The following KIF2A variants were observed in gnomAD, a reference collection of about 807,000 sequenced individuals.
The protein encoded by KIF2A is kinesin family member 2A.
Under a neutral mutation model 100.2 loss-of-function variants are expected in KIF2A, and 22 were observed. The observed-to-expected ratio is 0.22, with a 90% confidence interval of 0.16 to 0.31. The LOEUF is 0.31. KIF2A is among the 10% of genes least tolerant of loss of function. KIF2A has a pLI of 1.00. For missense variants in KIF2A, 495 were observed against 898.7 expected (o/e 0.55, Z 5.74); for synonymous variants, 268 against 285.9 (o/e 0.94, Z 0.63).
intron 1 of KIF2A, among the ~76,000 whole-genome samples, chr5:62,324,233 A>G (rs1257218827): frequency 1.3e-5 from 2 of 152,190 alleles, no homozygotes; most frequent in African/African-American, 4.8e-5. Flanking sequence ...ACAGAAAAAC[A>G]TTCCATGATC....
chr5:62,384,914 G>A (rs981311351), intron 20 of KIF2A, among the ~76,000 whole-genome samples: 2 of 152,282 alleles, frequency 1.3e-5, no homozygotes, highest in Non-Finnish European at 1.5e-5. Context: ...AGGCCAAGGC[G>A]GGCAGATCAC....
intron 1 of KIF2A, among the ~76,000 whole-genome samples, chr5:62,317,584 A>G (rs894899283): frequency 3.3e-5 from 5 of 152,224 alleles, no homozygotes; most frequent in Non-Finnish European, 5.9e-5. Context: ...TTCATTGTAG[A>G]CTGTAATTCA....
At chr5:62,308,644 G>A in intron 1 of KIF2A, 1 of 680,430 alleles carries the variant, frequency 1.5e-6, no homozygotes, top group African/African-American at 1.8e-5. Context: ...GGACCTGAAG[G>A]ACGTTATGTT....
chr5:62,365,008 G>T (rs889919582), intron 14 of KIF2A, among the ~76,000 whole-genome samples: 4 of 152,098 alleles, frequency 2.6e-5, no homozygotes, highest in African/African-American at 9.7e-5. Flanking sequence ...TAGGAGAATC[G>T]CCTGAAGCCT....
At chr5:62,323,718 G>A (rs2111818765) in intron 1 of KIF2A, among the ~76,000 whole-genome samples, 1 of 152,230 alleles carries the variant, frequency 6.6e-6, no homozygotes, top group Non-Finnish European at 1.5e-5. Flanking sequence ...CATCTATTGT[G>A]TAAGTTTGCA....
At chr5:62,336,491 C>A (rs111964470) in intron 1 of KIF2A, among the ~76,000 whole-genome samples, 5 of 152,274 alleles carry the variant, frequency 3.3e-5, no homozygotes, top group African/African-American at 1.2e-4. Flanking sequence ...AAATCATTAA[C>A]AGGATACCTA....
intron 18 of KIF2A, among the ~76,000 whole-genome samples, chr5:62,375,954 G>T (rs972943835): frequency 6.6e-6 from 1 of 152,160 alleles, no homozygotes; most frequent in Non-Finnish European, 1.5e-5. Context: ...CTAAAAATGA[G>T]ATTCTGGCCT....
chr5:62,389,116 A>G lies in KIF2A; in HGVS notation c.*3547A>G. 2 of 1,378,712 alleles carry G rather than the reference A, an allele frequency of 1.5e-6. No individual in the cohort carries two copies. The highest frequency in any genetic ancestry group is 1.5e-5 in the African/African-American group (1 of 68,952). The allele number at this position is 1,378,712 out of a possible 1,614,324, so 85.4% of individuals were successfully genotyped here. A position where few individuals can be genotyped will look rare whatever the true frequency, so the allele number is the denominator to read the frequency against. On this transcript the variant is annotated 3_prime_UTR_variant, in exon 21 of 21. Coordinates refer to ENST00000407818, the MANE Select transcript of KIF2A (RefSeq NM_001098511.3). Reference sequence around the variant, plus strand: ...TAATTTGTAGCACATAACGGTATATAGTTCTATACCATTAATACTAAAACA... The same window carrying G: ...TAATTTGTAGCACATAACGGTATATGGTTCTATACCATTAATACTAAAACA...
At chr5:62,327,310 A>T (rs1746425326) in intron 1 of KIF2A, among the ~76,000 whole-genome samples, 1 of 151,978 alleles carries the variant, frequency 6.6e-6, no homozygotes, top group African/African-American at 2.4e-5. Flanking sequence ...AAGCCTTTTG[A>T]CTACTTTATT....
intron 1 of KIF2A, among the ~76,000 whole-genome samples, chr5:62,324,102 A>G (rs912251811): frequency 1.3e-5 from 2 of 152,184 alleles, no homozygotes; most frequent in African/African-American, 4.8e-5. Context: ...TCTGCACAGA[A>G]TCTCATTTAC....
Position 62,365,296 on chromosome 5 carries a change from T to C in KIF2A, c.1521T>C (p.Ser507=). 1.2e-6 allele frequency: 2 copies of C among 1,610,264 alleles called. No individual in the cohort carries two copies. The highest frequency in any genetic ancestry group is 1.7e-6 in the Non-Finnish European group (2 of 1,177,630). The change falls in exon 15 of 21, where the codon AGT becomes AGC. Residue 507 remains serine, a synonymous_variant. Coordinates refer to ENST00000407818, the MANE Select transcript of KIF2A (RefSeq NM_001098511.3). ...RNKPHTPFRA[S]KLTQVLRDSF... ...AACCTCATACTCCTTTCCGTGCAAG[T>C]AAACTCACTCAGGTGTTAAGAGATT...
intron 1 of KIF2A, among the ~76,000 whole-genome samples, chr5:62,333,019 A>C (rs184457642): frequency 6.6e-6 from 1 of 152,208 alleles, no homozygotes; most frequent in Non-Finnish European, 1.5e-5. Flanking sequence ...GCATCATCCT[A>C]TACCTACATT....
chr5:62,332,541 T>TTA (rs1746707888), intron 1 of KIF2A, among the ~76,000 whole-genome samples: 1 of 152,122 alleles, frequency 6.6e-6, no homozygotes, highest in South Asian at 2.1e-4. Flanking sequence ...AAAATATTTA[T>TTA]TATATTTATA....
intron 2 of KIF2A, 78 bp downstream of exon 2, chr5:62,347,302 AAT>A (rs1183088538): frequency 3.6e-5 from 28 of 772,336 alleles, no homozygotes; most frequent in Non-Finnish European, 4.4e-5. Flanking sequence ...AAAAGTACAT[AAT>A]GTTATTTTAT....
At chr5:62,379,952 C>T (rs1295036305) in intron 19 of KIF2A, among the ~76,000 whole-genome samples, 2 of 152,142 alleles carry the variant, frequency 1.3e-5, no homozygotes, top group Admixed American at 6.5e-5. Context: ...AGTGCAATGG[C>T]GCGATCTCGG....
At chr5:62,363,597 C>A in intron 13 of KIF2A, 98 bp from the exon 14 acceptor site, 2 of 1,060,790 alleles carry the variant, frequency 1.9e-6, no homozygotes, top group South Asian at 3.1e-5. Context: ...CTAGCTAAAT[C>A]GATGTTTTTG....
intron 1 of KIF2A, among the ~76,000 whole-genome samples, chr5:62,332,964 C>G (rs1259042071): frequency 1.3e-5 from 2 of 152,168 alleles, no homozygotes. Context: ...ACATTGAGGA[C>G]AAGCAAACTG....
chr5:62,316,472 A>G (rs1745823421), intron 1 of KIF2A, among the ~76,000 whole-genome samples: 1 of 152,188 alleles, frequency 6.6e-6, no homozygotes, highest in African/African-American at 2.4e-5. Context: ...CAGTATTCAG[A>G]ATCTCTTAAC....
chr5:62,357,623 C>T (rs1748182892), intron 7 of KIF2A, 68 bp from the exon 8 acceptor site: 1 of 771,820 alleles, frequency 1.3e-6, no homozygotes, highest in South Asian at 1.9e-5. Flanking sequence ...GGAAATATTA[C>T]ATAATTTACG....
Sources: gnomAD v4.1 joint callset for allele counts (sites outside exome capture counted in the v4.1 genomes callset) on GRCh38, gnomAD v4.1.1 for gene constraint, MANE v1.5 for transcripts, NCBI Gene and HGNC (gene_info 2026-07-23, HGNC 2026-07-21) for gene names.